MAN2B2: variants seen among roughly 807,000 people sequenced by gnomAD.
The protein encoded by MAN2B2 is epididymis-specific alpha-mannosidase.
In MAN2B2, 106 loss-of-function variants were observed where a neutral mutation model predicts 117.1. The observed-to-expected ratio is 0.90, with a 90% confidence interval of 0.77 to 1.06. MAN2B2 has a LOEUF of 1.06. Ranked by LOEUF, MAN2B2 falls within the 50% of genes least tolerant of loss-of-function variation. MAN2B2 has a pLI of 0.00. For synonymous variants in MAN2B2, 544 were observed against 595.1 expected (o/e 0.91, Z 1.25); for missense variants, 1,326 against 1,381.4 (o/e 0.96, Z 0.64).
chr4:6,579,053 A>G (rs1159942434), intron 3 of MAN2B2, among the ~76,000 whole-genome samples: 2 of 96,224 alleles, frequency 2.1e-5, no homozygotes, highest in African/African-American at 5.6e-5. Context: ...CACCACCATC[A>G]CCACCACCAT....
chr4:6,584,521 C>T (rs1227448260), intron 3 of MAN2B2, among the ~76,000 whole-genome samples: 3 of 152,242 alleles, frequency 2.0e-5, no homozygotes, highest in Non-Finnish European at 4.4e-5. Context: ...TTCATGGCTC[C>T]ACTAAGGGAA....
chr4:6,576,128 G>A (rs1022500302), intron 1 of MAN2B2, among the ~76,000 whole-genome samples: 1 of 152,124 alleles, frequency 6.6e-6, no homozygotes, highest in Non-Finnish European at 1.5e-5. Flanking sequence ...GGACAGCCTG[G>A]GGAGCTCTTC....
At chr4:6,586,792 G>T (rs1726647763) in intron 3 of MAN2B2, among the ~76,000 whole-genome samples, 2 of 152,180 alleles carry the variant, frequency 1.3e-5, no homozygotes, top group Admixed American at 6.5e-5. Context: ...AATTATTAAG[G>T]TGGTAAATTG....
At chr4:6,607,869 T>A (rs1231349897) in intron 11 of MAN2B2, among the ~76,000 whole-genome samples, 1 of 152,206 alleles carries the variant, frequency 6.6e-6, no homozygotes, top group African/African-American at 2.4e-5. Context: ...AGGGTTCTGA[T>A]TTCTTCACAT....
intron 3 of MAN2B2, among the ~76,000 whole-genome samples, chr4:6,579,227 A>AC: frequency 1.1e-5 from 1 of 89,606 alleles, no homozygotes; most frequent in Non-Finnish European, 2.3e-5. Context: ...CACCACCACC[A>AC]CCATCACCAC....
In MAN2B2 at chr4:6,575,347, A is replaced by G. The variant is rs140465433; in HGVS notation, c.137A>G (p.Gln46Arg). 295 of 1,553,222 alleles carry G rather than the reference A, an allele frequency of 1.9e-4. No homozygotes were observed. Among genetic ancestry groups the G allele is most frequent in the Non-Finnish European group, 2.5e-4 (284 of 1,150,976 alleles). The change falls in exon 1 of 19, where the codon CAG (glutamine) becomes CGG (arginine). Residue 46 changes from glutamine (Q) to arginine (R), a missense_variant and splice_region_variant. Coordinates refer to ENST00000285599, the MANE Select transcript of MAN2B2 (RefSeq NM_015274.3). The part of the protein sequence containing the change: ...HMDVGWVYTV[Q>R]ESMRAYAANV... ...GACGTGGGCTGGGTCTACACTGTGC[A>G]GGTAGGTGCCGACCACGCCCCGCGC...
chr4:6,612,648 C>G (rs372956631), intron 15 of MAN2B2, among the ~76,000 whole-genome samples: 5 of 152,182 alleles, frequency 3.3e-5, no homozygotes, highest in African/African-American at 1.2e-4. Flanking sequence ...TCTGATTGGC[C>G]TAGCAGGGTC....
At chr4:6,606,006 C>G (rs866005470) in intron 11 of MAN2B2, among the ~76,000 whole-genome samples, 4 of 152,210 alleles carry the variant, frequency 2.6e-5, no homozygotes, top group African/African-American at 9.6e-5. Flanking sequence ...GACCTCGTGG[C>G]TGGTTTATCC....
intron 3 of MAN2B2, among the ~76,000 whole-genome samples, chr4:6,584,854 G>T (rs113909554): frequency 0.013 from 1,930 of 152,260 alleles, 48 homozygotes; most frequent in African/African-American, 0.044. Context: ...CTTGAGGCTG[G>T]GCATGGTGCA....
chr4:6,603,324 G>A (rs544637862), intron 10 of MAN2B2, among the ~76,000 whole-genome samples: 35 of 152,030 alleles, frequency 2.3e-4, no homozygotes, highest in African/African-American at 8.2e-4. Context: ...GCTCCCGAAC[G>A]CCCATCCTGG....
In MAN2B2 at chr4:6,617,691, GT is replaced by G. The variant is rs1711953055; in HGVS notation, c.2814+200del. 17 of 979,490 alleles carry G rather than the reference GT, an allele frequency of 1.7e-5. No individual in the cohort carries two copies. In the South Asian group the frequency reaches 2.5e-4, roughly 14 times the overall value. 60.7% of individuals were successfully genotyped at this position (979,490 alleles called of 1,614,324 possible). ...GGCCTGGTTTTTTAGGGTTTTTTGT[GT>G]ATATGTGAGACAGGATCTCACTCTG... On this transcript the variant is annotated intron_variant, in intron 17 of 18. Coordinates refer to ENST00000285599, the MANE Select transcript of MAN2B2 (RefSeq NM_015274.3).
chr4:6,595,158 C>T (rs1392831579), intron 7 of MAN2B2, among the ~76,000 whole-genome samples: 2 of 152,228 alleles, frequency 1.3e-5, no homozygotes, highest in African/African-American at 4.8e-5. Flanking sequence ...TGCATCATGC[C>T]TGTGTCCTCA....
In MAN2B2 at chr4:6,576,607, C is replaced by A; in HGVS notation, c.168C>A (p.Val56=). The A allele has an allele frequency of 6.2e-7, 1 of 1,613,702 alleles. No individual in the cohort carries two copies. Among genetic ancestry groups the A allele is most frequent in the Non-Finnish European group, 8.5e-7 (1 of 1,179,918 alleles). Residue 56 remains valine (V), a synonymous_variant, in exon 2 of 19, where the codon GTC becomes GTA. Transcript: ENST00000285599. Reference sequence around the variant, plus strand: ...GCATGCGGGCGTACGCCGCCAATGTCTACACCTCAGTGGTGGAAGAGCTGG... The same window carrying A: ...GCATGCGGGCGTACGCCGCCAATGTATACACCTCAGTGGTGGAAGAGCTGG... ...QESMRAYAAN[V]YTSVVEELAR...
rs2108743700 is a variant in MAN2B2, at chr4:6,594,581, G to A, written c.906G>A (p.Met302Ile). 3.1e-6 allele frequency: 5 copies of A among 1,613,754 alleles called. No homozygotes were observed. The highest frequency in any genetic ancestry group is 4.2e-6 in the Non-Finnish European group (5 of 1,180,034). Residue 302 changes from methionine (M) to isoleucine (I), a missense_variant, in exon 7 of 19, where the codon ATG becomes ATA. Met to Ile is a conservative substitution (Grantham distance 10). Transcript: ENST00000285599. Reference protein sequence around the residue: ...FFNASVQFANMDPLLDHINSH... With the variant: ...FFNASVQFANIDPLLDHINSH... The stretch of plus-strand genomic sequence containing the variant: ...ATGCCTCGGTGCAGTTTGCCAACAT[G>A]GACCCGCTGCTGGACCACATCAACA...
chr4:6,579,247 T>TCACCACCATCACCAC (rs1560634820), intron 3 of MAN2B2, among the ~76,000 whole-genome samples: 1 of 5,138 alleles, frequency 1.9e-4, no homozygotes, highest in African/African-American at 6.4e-4. Flanking sequence ...CCACCACCCT[T>TCACCACCATCACCAC]CACCACCATC....
At chr4:6,577,544 G>A (rs1726113703) in intron 2 of MAN2B2, among the ~76,000 whole-genome samples, 1 of 152,242 alleles carries the variant, frequency 6.6e-6, no homozygotes, top group African/African-American at 2.4e-5. Flanking sequence ...CTGCCAGATA[G>A]TGGGGTTCTT....
Position 6,576,040 on chromosome 4 carries a change from C to T in MAN2B2, c.139-538C>T, listed in dbSNP as rs575420451. 9.5e-4 allele frequency among the ~76,000 whole-genome samples: 144 copies of T among 152,280 alleles called. 2 individuals are homozygous for T. The South Asian group carries it at 0.03, about 31-fold the overall frequency. On this transcript the variant is annotated intron_variant, in intron 1 of 18. Coordinates refer to ENST00000285599, the MANE Select transcript of MAN2B2 (RefSeq NM_015274.3). ...GTGGGCACCCTGTGTGCAGGGCCCT[C>T]GGGACTCGGATGGGAACACACTACA...
Position 6,598,187 on chromosome 4 carries a change from G to T in MAN2B2, c.1249-11G>T, listed in dbSNP as rs1341764075. ...GATCCTGTTCTTCCTCCCCTCTGGG[G>T]GTTGCTGCAGGTCCAGCACCATGAT... On this transcript the variant is annotated splice_polypyrimidine_tract_variant and intron_variant, in intron 8 of 18. Transcript: ENST00000285599. 4 of 1,611,588 alleles carry T rather than the reference G, an allele frequency of 2.5e-6. No individual in the cohort carries two copies. Among genetic ancestry groups the T allele is most frequent in the South Asian group, 2.2e-5 (2 of 91,034 alleles).
chr4:6,601,500 CAAAA>C (rs1172595578), intron 10 of MAN2B2, among the ~76,000 whole-genome samples: 2 of 101,592 alleles, frequency 2.0e-5, no homozygotes, highest in Admixed American at 1.1e-4. Context: ...GACTCCATCT[CAAAA>C]AAAAAAAAAA....
Sources: gnomAD v4.1 joint callset for allele counts (sites outside exome capture counted in the v4.1 genomes callset) on GRCh38, gnomAD v4.1.1 for gene constraint, MANE v1.5 for transcripts, NCBI Gene and HGNC (gene_info 2026-07-23, HGNC 2026-07-21) for gene names.